Variants in KLHL1 observed in about 807,000 individuals in gnomAD.
KLHL1 encodes kelch-like protein 1.
A neutral mutation model predicts 77.7 loss-of-function variants in KLHL1; 47 were observed. The ratio of observed to expected loss-of-function variants is 0.60; its 90% CI spans 0.48 to 0.77. The LOEUF (loss-of-function observed/expected upper bound fraction) is 0.77. Among genes scored for constraint, KLHL1 ranks in the 30% least tolerant of loss-of-function variants. KLHL1 has a pLI of 0.00. For synonymous variants in KLHL1, 360 were observed against 325.2 expected (o/e 1.11, Z -1.15); for missense variants, 925 against 910.8 (o/e 1.02, Z -0.20).
intron 1 of KLHL1, among the ~76,000 whole-genome samples, chr13:70,089,697 G>T (rs1027858729): frequency 6.6e-6 from 1 of 152,044 alleles, no homozygotes; most frequent in African/African-American, 2.4e-5. Flanking sequence ...TTTAACTCAT[G>T]ATTTTCCAAA....
chr13:69,993,031 G>T (rs896939781), intron 1 of KLHL1, among the ~76,000 whole-genome samples: 1 of 151,760 alleles, frequency 6.6e-6, no homozygotes, highest in Non-Finnish European at 1.5e-5. Flanking sequence ...CCATAAGCAG[G>T]CCTAATCATT....
intron 1 of KLHL1, among the ~76,000 whole-genome samples, chr13:70,027,072 A>G (rs1188600489): frequency 2.6e-5 from 4 of 152,242 alleles, no homozygotes; most frequent in East Asian, 1.9e-4. Flanking sequence ...TGTAGTAAAG[A>G]TATATTCTTA....
At chr13:69,903,166 T>G (rs372121482) in intron 4 of KLHL1, among the ~76,000 whole-genome samples, 3 of 152,148 alleles carry the variant, frequency 2.0e-5, no homozygotes, top group African/African-American at 7.2e-5. Flanking sequence ...GTACTCTAAG[T>G]TCTCAGAAAG....
At chr13:69,775,841 T>C (rs1386898895) in intron 7 of KLHL1, among the ~76,000 whole-genome samples, 1 of 151,776 alleles carries the variant, frequency 6.6e-6, no homozygotes. Flanking sequence ...TTTTAGGTGG[T>C]AACTGCATTT....
At chr13:69,757,637 G>C (rs775752889) in intron 7 of KLHL1, among the ~76,000 whole-genome samples, 1 of 152,054 alleles carries the variant, frequency 6.6e-6, no homozygotes, top group Admixed American at 6.5e-5. Context: ...ATAGGTTAAA[G>C]GTTTAAAGTA....
At chr13:70,000,467 C>T (rs888597938) in intron 1 of KLHL1, among the ~76,000 whole-genome samples, 1 of 151,728 alleles carries the variant, frequency 6.6e-6, no homozygotes, top group Non-Finnish European at 1.5e-5. Flanking sequence ...TATATAATAC[C>T]GTTAGTAAGC....
At chr13:70,035,358 A>G (rs1035332907) in intron 1 of KLHL1, among the ~76,000 whole-genome samples, 95 of 152,218 alleles carry the variant, frequency 6.2e-4, no homozygotes, top group African/African-American at 2.2e-3. Context: ...TATGTTCTCA[A>G]TTGTTTGTGG....
chr13:69,908,971 T>G (rs1026531369), intron 4 of KLHL1, among the ~76,000 whole-genome samples: 1 of 149,832 alleles, frequency 6.7e-6, no homozygotes, highest in South Asian at 2.1e-4. Flanking sequence ...AATTTAATAT[T>G]ACTTATATAA....
chr13:69,819,590 A>G (rs1273518149), intron 6 of KLHL1, among the ~76,000 whole-genome samples: 1 of 151,706 alleles, frequency 6.6e-6, no homozygotes, highest in East Asian at 1.9e-4. Flanking sequence ...CTATGGCTGT[A>G]AGTAGTCATT....
chr13:69,961,009 A>C (rs1409465443), intron 3 of KLHL1, among the ~76,000 whole-genome samples: 1 of 152,058 alleles, frequency 6.6e-6, no homozygotes, highest in African/African-American at 2.4e-5. Flanking sequence ...GCAAACATGG[A>C]CATAAACAAA....
chr13:70,071,621 C>T (rs1054707459), intron 1 of KLHL1, among the ~76,000 whole-genome samples: 5 of 151,576 alleles, frequency 3.3e-5, no homozygotes, highest in African/African-American at 1.2e-4. Context: ...AATCAGACAT[C>T]ATGAAAAGTA....
At chr13:70,031,095 ATAAT>A (rs1593688800) in intron 1 of KLHL1, among the ~76,000 whole-genome samples, 1 of 130,134 alleles carries the variant, frequency 7.7e-6, no homozygotes, top group Non-Finnish European at 1.6e-5. Flanking sequence ...AATTGAGGCA[ATAAT>A]TAATAGCCTG....
intron 1 of KLHL1, among the ~76,000 whole-genome samples, chr13:69,999,980 G>C (rs949453554): frequency 6.6e-6 from 1 of 151,860 alleles, no homozygotes; most frequent in African/African-American, 2.4e-5. Flanking sequence ...GAGGTATTTG[G>C]GTCATGGGGA....
At chr13:69,793,174 CTGAAATAG>C (rs775391028) in intron 7 of KLHL1, among the ~76,000 whole-genome samples, 38 of 152,024 alleles carry the variant, frequency 2.5e-4, no homozygotes, top group Middle Eastern at 3.4e-3. Flanking sequence ...AAACACTTAA[CTGAAATAG>C]TGCATTGTAG....
intron 8 of KLHL1, among the ~76,000 whole-genome samples, chr13:69,732,227 C>T (rs1873580428): frequency 6.6e-6 from 1 of 152,024 alleles, no homozygotes; most frequent in Admixed American, 6.6e-5. Flanking sequence ...TCTTAAAACA[C>T]ACATAGAACC....
chr13:69,975,022 T>C (rs1334802254), intron 2 of KLHL1, among the ~76,000 whole-genome samples: 2 of 152,072 alleles, frequency 1.3e-5, no homozygotes, highest in Admixed American at 6.6e-5. Flanking sequence ...AACGTCCATA[T>C]TGTAATATTT....
chr13:69,752,872 G>A (rs1874547793), intron 7 of KLHL1, among the ~76,000 whole-genome samples: 1 of 152,156 alleles, frequency 6.6e-6, no homozygotes, highest in Non-Finnish European at 1.5e-5. Context: ...ACTCATAACT[G>A]AATACAGCCT....
chr13:69,800,267 A>G (rs1274177331), intron 6 of KLHL1, among the ~76,000 whole-genome samples: 1 of 152,208 alleles, frequency 6.6e-6, no homozygotes, highest in Admixed American at 6.5e-5. Context: ...TCAGCTGCTT[A>G]ACAACTTTAA....
chr13:69,779,006 G>T (rs1875983969), intron 7 of KLHL1, among the ~76,000 whole-genome samples: 2 of 151,954 alleles, frequency 1.3e-5, no homozygotes, highest in South Asian at 2.1e-4. Flanking sequence ...CACCCTGTTA[G>T]TCAGGATGGT....
Sources: gnomAD v4.1 joint callset for allele counts (sites outside exome capture counted in the v4.1 genomes callset) on GRCh38, gnomAD v4.1.1 for gene constraint, MANE v1.5 for transcripts, NCBI Gene and HGNC (gene_info 2026-07-23, HGNC 2026-07-21) for gene names.